The following AP3B2 variants were observed in gnomAD, a reference collection of about 807,000 sequenced individuals.
AP3B2 encodes adaptor related protein complex 3 subunit beta 2.
In AP3B2, 50 loss-of-function variants were observed where a neutral mutation model predicts 126.9. The ratio of observed to expected loss-of-function variants is 0.39; its 90% CI spans 0.31 to 0.50. AP3B2 has a LOEUF of 0.50. Among genes scored for constraint, AP3B2 ranks in the 20% least tolerant of loss-of-function variants. The pLI, the probability that AP3B2 is intolerant of heterozygous loss-of-function variation, is 0.79. For synonymous variants in AP3B2, 541 were observed against 565.0 expected, an observed-to-expected ratio of 0.96 and a Z score of 0.60; for missense variants, 1,177 against 1,426.4, an observed-to-expected ratio of 0.83 and a Z score of 2.82.
At chr15:82,668,010 T>A (rs1317579231) in intron 14 of AP3B2, among the ~76,000 whole-genome samples, 1 of 152,148 alleles carries the variant, frequency 6.6e-6, no homozygotes, top group East Asian at 1.9e-4. Context: ...TGGAACTGAC[T>A]CTGTTCTTCC....
intron 14 of AP3B2, among the ~76,000 whole-genome samples, chr15:82,674,460 G>A (rs1478430141): frequency 2.6e-5 from 4 of 152,242 alleles, no homozygotes; most frequent in Non-Finnish European, 5.9e-5. Flanking sequence ...TGCCTGAACA[G>A]CCTACTCTGG....
chr15:82,680,818 C>T lies in AP3B2; in HGVS notation c.771+19G>A, dbSNP rs1567266043. 5 of 1,612,774 alleles carry T rather than the reference C, an allele frequency of 3.1e-6. No homozygotes were observed. The highest frequency in any genetic ancestry group is 3.4e-6 in the Non-Finnish European group (4 of 1,179,404). On this transcript the variant is annotated intron_variant, in intron 7 of 26. Transcript: ENST00000535359. This position sits in a 1 kb window ranked among gnomAD's most constrained non-coding sequence, Gnocchi z 6.1. ...CGGGACACACTTCGGCCCGCTCTGC[C>T]TGGGCTGGGCCCACTTACGTTCTGG...
At chr15:82,663,726 T>A in intron 20 of AP3B2, 75 bp downstream of exon 20, 2 of 1,598,022 alleles carry the variant, frequency 1.3e-6, no homozygotes, top group Non-Finnish European at 1.7e-6. Context: ...GGGAGATAGA[T>A]GTCTGGGCCT....
chr15:82,706,821 C>T (rs1449875795), intron 1 of AP3B2, among the ~76,000 whole-genome samples: 1 of 152,158 alleles, frequency 6.6e-6, no homozygotes. Flanking sequence ...GAAATCTATC[C>T]TCAAGGAAAT....
At chr15:82,660,144 C>T (rs2047914536) in intron 25 of AP3B2, among the ~76,000 whole-genome samples, 161 bp from the exon 26 acceptor site, 1 of 152,178 alleles carries the variant, frequency 6.6e-6, no homozygotes. Context: ...GTACTTCCCT[C>T]TCAGACTGGG....
chr15:82,661,751 C>T lies in AP3B2; in HGVS notation c.3016+74G>A. The T allele has an allele frequency of 2.4e-6, 3 of 1,273,382 alleles. 1 individual carries two copies. The East Asian group carries it at 7.5e-5, about 32-fold the overall frequency. The allele number at this position is 1,273,382 out of a possible 1,614,324, so 78.9% of individuals were successfully genotyped here. A position where few individuals can be genotyped will look rare whatever the true frequency, so the allele number is the denominator to read the frequency against. On this transcript the variant is annotated intron_variant, in intron 25 of 26. Coordinates refer to ENST00000535359, the MANE Select transcript of AP3B2 (RefSeq NM_001278512.2). ...CTAGATGAAGGACACCACCATTCTC[C>T]CTACCATCCAAGCTGGACATTCTGG...
At chr15:82,692,195 T>C (rs2048547150) in intron 1 of AP3B2, 2 of 1,405,944 alleles carry the variant, frequency 1.4e-6, no homozygotes, top group African/African-American at 2.9e-5. Context: ...CCTCTGCATC[T>C]CGGGGGTCCT....
chr15:82,671,310 A>G (rs759265605), intron 14 of AP3B2, among the ~76,000 whole-genome samples: 5 of 152,100 alleles, frequency 3.3e-5, no homozygotes, highest in Non-Finnish European at 7.4e-5. Flanking sequence ...ACAAAAAAAG[A>G]TATATCATCT....
rs1160937536 is a variant in AP3B2 at position 82,696,023 on chromosome 15, GTC to G, written c.114-6572_114-6571del. 4.6e-5 allele frequency among the ~76,000 whole-genome samples: 7 copies of G among 152,266 alleles called. No individual in the cohort carries two copies. The East Asian group carries it at 1.4e-3, about 29-fold the overall frequency. On this transcript the variant is annotated intron_variant, in intron 1 of 26. Coordinates refer to ENST00000535359, the MANE Select transcript of AP3B2 (RefSeq NM_001278512.2). ...GGAGAAACACACTTTGGGTTTTTCT[GTC>G]TCTTACAACCATCTTCTCTGTCTTC...
chr15:82,678,232 T>G, intron 10 of AP3B2, 65 bp from the exon 11 acceptor site: 1 of 1,448,524 alleles, frequency 6.9e-7, no homozygotes, highest in Non-Finnish European at 9.7e-7. Context: ...GTGCTTTCAT[T>G]CCAAATACAC....
intron 14 of AP3B2, among the ~76,000 whole-genome samples, chr15:82,670,118 G>GGGC (rs1555465725): frequency 1.5e-5 from 2 of 136,330 alleles, no homozygotes; most frequent in Non-Finnish European, 3.2e-5. Context: ...TTTTTGGCGG[G>GGGC]GGGGGACGAA....
intron 3 of AP3B2, 89 bp from the exon 4 acceptor site, chr15:82,688,920 G>C (rs554265694): frequency 1.6e-6 from 2 of 1,282,958 alleles, no homozygotes; most frequent in East Asian, 2.5e-5. Context: ...TCCCCAGCCA[G>C]CTGCGGTCCA....
At chr15:82,662,413 C>A in intron 23 of AP3B2, 161 bp from the exon 24 acceptor site, 1 of 675,364 alleles carries the variant, frequency 1.5e-6, no homozygotes, top group Non-Finnish European at 2.5e-6. Context: ...CGGTTTCCTC[C>A]TGAACTCTAA....
At position 82,681,634 on chromosome 15, in the gene AP3B2, G is replaced by C; in HGVS notation, c.361-54C>G. ...GAAAGGGCACCAGGTGCCCTGATGGGGGGAGGCCACACCTTTGGAAGTCAC... is the reference window on the plus strand; with the variant it reads ...GAAAGGGCACCAGGTGCCCTGATGGCGGGAGGCCACACCTTTGGAAGTCAC... On this transcript the variant is annotated intron_variant, in intron 4 of 26. Transcript: ENST00000535359. This position sits in a 1 kb window ranked among gnomAD's most constrained non-coding sequence, Gnocchi z 4.0. The C allele has an allele frequency of 1.3e-6, 2 of 1,575,656 alleles. No homozygotes were observed. The highest frequency in any genetic ancestry group is 1.7e-6 in the Non-Finnish European group (2 of 1,160,026).
At chr15:82,668,165 G>GC (rs1342872720) in intron 14 of AP3B2, among the ~76,000 whole-genome samples, 1 of 152,166 alleles carries the variant, frequency 6.6e-6, no homozygotes, top group African/African-American at 2.4e-5. Context: ...TGGCAGAATT[G>GC]CCCCACACCA....
chr15:82,694,327 G>T (rs543889463), intron 1 of AP3B2, among the ~76,000 whole-genome samples: 1 of 151,234 alleles, frequency 6.6e-6, no homozygotes, highest in South Asian at 2.1e-4. Context: ...TTAAACTTTG[G>T]TATCTAAAAA....
intron 14 of AP3B2, among the ~76,000 whole-genome samples, chr15:82,671,285 A>C (rs957598326): frequency 1.3e-5 from 2 of 152,116 alleles, no homozygotes; most frequent in Non-Finnish European, 2.9e-5. Flanking sequence ...ACTCCGTCTC[A>C]AAAAACAAAA....
intron 2 of AP3B2, 38 bp downstream of exon 2, chr15:82,689,340 G>T: frequency 6.2e-7 from 1 of 1,612,530 alleles, no homozygotes; most frequent in East Asian, 2.2e-5. Context: ...GGCCACCCAG[G>T]CCCCGCCCGG....
At chr15:82,689,587 C>T (rs72753919) in intron 1 of AP3B2, 134 bp from the exon 2 acceptor site, 9,173 of 717,802 alleles carry the variant, frequency 0.013, 86 homozygotes, top group Non-Finnish European at 0.018. Flanking sequence ...GGGACCAGAG[C>T]CAGGGGGAAC....
Sources: allele counts gnomAD v4.1 joint callset (sites outside exome capture counted in the v4.1 genomes callset), GRCh38; gene constraint gnomAD v4.1.1; non-coding constraint Gnocchi (gnomAD v3.1); transcripts MANE v1.5; gene names NCBI Gene and HGNC (gene_info 2026-07-23, HGNC 2026-07-21).